RNF123: variants seen among roughly 807,000 people sequenced by gnomAD.
RNF123 encodes ring finger protein 123, also known as E3 ubiquitin-protein ligase RNF123.
RNF123 carries 86 observed loss-of-function variants against 168.5 expected under a neutral mutation model. The observed-to-expected ratio is 0.51, with a 90% CI of 0.43 to 0.61. The LOEUF (loss-of-function observed/expected upper bound fraction) is 0.61, where lower values mean the gene tolerates loss of function less well. Ranked by LOEUF, RNF123 falls within the 20% of genes least tolerant of loss-of-function variation. The pLI, the probability that RNF123 is intolerant of heterozygous loss-of-function variation, is 0.00. For missense variants in RNF123, 1,419 were observed against 1,729.7 expected (o/e 0.82, Z 3.19); for synonymous variants, 666 against 689.1 (o/e 0.97, Z 0.52).
rs1442840213 is a variant in RNF123 at position 49,691,309 on chromosome 3, G to T, written c.82+62G>T. ...TTGGGAGGAGAAGGAAGGGACAAAG[G>T]CCTCAGGCCTTGCTGCACCTGTGGC... On this transcript the variant is annotated intron_variant, in intron 2 of 38. Transcript: ENST00000327697. 1.0e-5 allele frequency: 16 copies of T among 1,590,864 alleles called. No homozygotes were observed. In the African/African-American group the frequency reaches 1.3e-4, roughly 13 times the overall value.
chr3:49,700,379 G>T (rs759469624), intron 13 of RNF123, 27 bp downstream of exon 13: 2 of 1,613,494 alleles, frequency 1.2e-6, no homozygotes, highest in Non-Finnish European at 1.7e-6. Flanking sequence ...CAGGCCTCAG[G>T]CCTGGCTGTC....
chr3:49,713,656 T>A, intron 28 of RNF123, 69 bp downstream of exon 28: 1 of 1,575,446 alleles, frequency 6.3e-7, no homozygotes, highest in Non-Finnish European at 8.6e-7. Flanking sequence ...CTTTCTTCTA[T>A]GAAAAATGTG....
rs373340611 is a variant in RNF123, at chr3:49,714,216, G to C, written c.3010+42G>C. 4 of 1,575,296 alleles carry C rather than the reference G, an allele frequency of 2.5e-6. No individual in the cohort carries two copies. In the African/African-American group the frequency reaches 5.4e-5, roughly 21 times the overall value. Reference sequence around the variant, plus strand: ...GGCGAGTCCTGGGCAAGGCAGGCGGGGGCGCTTACCTCCTACCCATGGGTT... The same window carrying C: ...GGCGAGTCCTGGGCAAGGCAGGCGGCGGCGCTTACCTCCTACCCATGGGTT... On this transcript the variant is annotated intron_variant, in intron 31 of 38. Transcript: ENST00000327697.
intron 35 of RNF123, chr3:49,717,966 A>C (rs1575542666): frequency 6.2e-7 from 1 of 1,612,446 alleles, no homozygotes; most frequent in Non-Finnish European, 8.5e-7. Context: ...TTGTCATGGG[A>C]CCCTCGGAGC....
Position 49,712,505 on chromosome 3 carries a change from G to A in RNF123, c.2523G>A (p.Leu841=), listed in dbSNP as rs751093462. Residue 841 remains leucine, a synonymous_variant, in exon 27 of 39, where the codon CTG becomes CTA. Transcript: ENST00000327697. ...AGAAGATGCTGGACATCTACTGGCT[G>A]CTGCGCGTCTGCCTGCGGACCATTG... The part of the protein sequence containing the change: ...SQEKMLDIYW[L]LRVCLRTIEH... 5.6e-6 allele frequency: 9 copies of A among 1,614,018 alleles called. No homozygotes were observed. Among genetic ancestry groups the A allele is most frequent in the East Asian group, 2.2e-5 (1 of 44,892 alleles).
At chr3:49,717,857 CT>C in intron 35 of RNF123, 1 of 1,379,030 alleles carries the variant, frequency 7.3e-7, no homozygotes, top group Non-Finnish European at 9.8e-7. Flanking sequence ...AGGCACAGTG[CT>C]TCCCACCAGT....
At position 49,716,168 on chromosome 3, in the gene RNF123, C is replaced by A; in HGVS notation, c.3406C>A (p.Arg1136=). Residue 1136 remains arginine, a synonymous_variant, in exon 34 of 39, where the codon CGG becomes AGG. Coordinates refer to ENST00000327697, the MANE Select transcript of RNF123 (RefSeq NM_022064.5). The part of the protein sequence containing the change: ...RNLFDRVVTL[R]LPGLESVDHY... Reference sequence around the variant, plus strand: ...CCTGTTTGATCGTGTGGTCACCCTACGGCTGCCTGGTGAGGACCTAGATGC... The same window carrying A: ...CCTGTTTGATCGTGTGGTCACCCTAAGGCTGCCTGGTGAGGACCTAGATGC... The A allele has an allele frequency of 6.2e-7, 1 of 1,613,498 alleles. No homozygotes were observed. Among genetic ancestry groups the A allele is most frequent in the Non-Finnish European group, 8.5e-7 (1 of 1,179,830 alleles).
rs933477679 is a variant in RNF123 at position 49,715,817 on chromosome 3, C to T, written c.3151-5C>T. 1 of 1,613,918 alleles carries T rather than the reference C, an allele frequency of 6.2e-7. No individual in the cohort carries two copies. The highest frequency in any genetic ancestry group is 1.7e-5 in the Admixed American group (1 of 60,032). On this transcript the variant is annotated splice_polypyrimidine_tract_variant and splice_region_variant and intron_variant, in intron 32 of 38. Coordinates refer to ENST00000327697, the MANE Select transcript of RNF123 (RefSeq NM_022064.5). ...CCACTGCATGCCCACGTGTTGGTGG[C>T]TCAGATCCAGCAGGCTGCTGAGCGC...
rs2080378074 is a variant in RNF123 at position 49,720,478 on chromosome 3, C to T, written c.3501-33C>T. ...AGAGACTTTTAGCCAGGCCCCAAGC[C>T]TTCTGACTGCCCTTGCACCCTCCCC... On this transcript the variant is annotated intron_variant, in intron 35 of 38. Transcript: ENST00000327697. 11 of 1,517,754 alleles carry T rather than the reference C, an allele frequency of 7.2e-6. 1 individual carries two copies. The East Asian group carries it at 2.3e-4, about 31-fold the overall frequency. 94.0% of individuals were successfully genotyped at this position (1,517,754 alleles called of 1,614,324 possible).
intron 18 of RNF123, 56 bp downstream of exon 18, chr3:49,702,200 G>A (rs373134885): frequency 2.0e-4 from 323 of 1,599,968 alleles, no homozygotes; most frequent in Non-Finnish European, 2.6e-4. Flanking sequence ...TGCTGCACTG[G>A]GCCTTAAGAC....
In RNF123 at chr3:49,705,420, C is replaced by A. The variant is rs994007456; in HGVS notation, c.2159-114C>A. Reference sequence around the variant, plus strand: ...CCCCCATGCCCCCATGGGCTCCCCGCGGGTCCCTCCTTGGGCACAGGAATG... The same window carrying A: ...CCCCCATGCCCCCATGGGCTCCCCGAGGGTCCCTCCTTGGGCACAGGAATG... On this transcript the variant is annotated intron_variant, in intron 23 of 38. Transcript: ENST00000327697. 19 of 1,452,192 alleles carry A rather than the reference C, an allele frequency of 1.3e-5. No homozygotes were observed. The South Asian group carries it at 2.5e-4, about 19-fold the overall frequency. 90.0% of individuals were successfully genotyped at this position (1,452,192 alleles called of 1,614,324 possible).
intron 25 of RNF123, among the ~76,000 whole-genome samples, chr3:49,706,295 C>T (rs2054517857): frequency 6.6e-6 from 1 of 152,238 alleles, no homozygotes; most frequent in South Asian, 2.1e-4. Context: ...AGCACACCCA[C>T]TCTCCTCATC....
rs893533970 is a variant in RNF123 at position 49,705,485 on chromosome 3, G to T, written c.2159-49G>T. ...CTCTCCTGCTGTGAGGCAGGCTCAG[G>T]AGAGCCGGGATGGCCCTACCCTTGA... is the stretch of plus-strand genomic sequence containing the variant. On this transcript the variant is annotated intron_variant, in intron 23 of 38. Coordinates refer to ENST00000327697, the MANE Select transcript of RNF123 (RefSeq NM_022064.5). The T allele has an allele frequency of 4.6e-6, 7 of 1,536,508 alleles. No homozygotes were observed. The African/African-American group carries it at 9.7e-5, about 21-fold the overall frequency.
Position 49,693,347 on chromosome 3 carries a change from C to CTTT in RNF123, c.167+1862_167+1864dup, listed in dbSNP as rs35938648. Among the ~76,000 whole-genome samples the CTTT allele has an allele frequency of 3.2e-3, 108 of 34,162 alleles. 26 individuals are homozygous for CTTT. The highest frequency in any genetic ancestry group is 3.2e-3 in the Non-Finnish European group (64 of 19,978). 22.4% of individuals were successfully genotyped at this position (34,162 alleles called of 152,430 possible). A position where few individuals can be genotyped will look rare whatever the true frequency, so the allele number is the denominator to read the frequency against. On this transcript the variant is annotated intron_variant, in intron 3 of 38. Coordinates refer to ENST00000327697, the MANE Select transcript of RNF123 (RefSeq NM_022064.5). Reference sequence around the variant, plus strand: ...ACAGGCGTGAGCCAGTGTGCCTGGCCTTTTTTTTTTTTTTTTTTTTTTTTT... The same window carrying CTTT: ...ACAGGCGTGAGCCAGTGTGCCTGGCCTTTTTTTTTTTTTTTTTTTTTTTTTTTT...
At chr3:49,718,701 C>A in intron 35 of RNF123, 1 of 1,613,014 alleles carries the variant, frequency 6.2e-7, no homozygotes, top group Non-Finnish European at 8.5e-7. Context: ...ACGCGGGTAC[C>A]TTGAAGGCCA....
chr3:49,707,894 C>A (rs2054549533), intron 26 of RNF123, among the ~76,000 whole-genome samples: 1 of 152,092 alleles, frequency 6.6e-6, no homozygotes, highest in African/African-American at 2.4e-5. Context: ...TTCTCAAGAC[C>A]CTTGCCCTCT....
At chr3:49,700,064 C>T in intron 12 of RNF123, 163 bp from the exon 13 acceptor site, 2 of 991,734 alleles carry the variant, frequency 2.0e-6, no homozygotes, top group Non-Finnish European at 1.5e-6. Flanking sequence ...CAATGGCCTT[C>T]TTGTCCCTCA....
Position 49,699,909 on chromosome 3 carries a change from GC to G in RNF123, c.984+140del, listed in dbSNP as rs2054343674. 1.2e-6 allele frequency: 1 copy of G among 853,532 alleles called. No homozygotes were observed. Among genetic ancestry groups the G allele is most frequent in the Non-Finnish European group, 1.9e-6 (1 of 538,986 alleles). 52.9% of individuals were successfully genotyped at this position (853,532 alleles called of 1,614,324 possible). On this transcript the variant is annotated intron_variant, in intron 12 of 38. Coordinates refer to ENST00000327697, the MANE Select transcript of RNF123 (RefSeq NM_022064.5). This position sits in a 1 kb window ranked among gnomAD's most constrained non-coding sequence, Gnocchi z 4.8. The stretch of plus-strand genomic sequence containing the variant: ...CTGGCGAGGGCCCCATGTGACCAGG[GC>G]CCTCAGACCTCAGTCAGTCCCCTAG...
At chr3:49,708,422 C>A (rs1459810232) in intron 26 of RNF123, among the ~76,000 whole-genome samples, 5 of 152,254 alleles carry the variant, frequency 3.3e-5, no homozygotes, top group African/African-American at 1.2e-4. Flanking sequence ...CCCATCCCCA[C>A]CTGTCAGCAG....
Sources: gnomAD v4.1 joint callset for allele counts (sites outside exome capture counted in the v4.1 genomes callset) on GRCh38, gnomAD v4.1.1 for gene constraint, Gnocchi (gnomAD v3.1) non-coding constraint, MANE v1.5 for transcripts, NCBI Gene and HGNC (gene_info 2026-07-23, HGNC 2026-07-21) for gene names.